Variants in BCL7C observed in about 807,000 individuals in gnomAD.
BCL7C encodes B-cell CLL/lymphoma 7 protein family member C.
Under a neutral mutation model 26.2 loss-of-function variants are expected in BCL7C, and 8 were observed. The ratio of observed to expected loss-of-function variants is 0.30; its 90% CI spans 0.18 to 0.55. The LOEUF (loss-of-function observed/expected upper bound fraction) is 0.55, where lower values mean the gene tolerates loss of function less well. BCL7C is among the 20% of genes least tolerant of loss of function. The pLI is 0.93. For synonymous variants in BCL7C, 90 were observed against 116.5 expected (o/e 0.77, Z 1.47); for missense variants, 262 against 298.5 (o/e 0.88, Z 0.90).
At chr16:30,868,702 T>C (rs1384798209) in intron 5 of BCL7C, among the ~76,000 whole-genome samples, 2 of 151,808 alleles carry the variant, frequency 1.3e-5, no homozygotes, top group Non-Finnish European at 2.9e-5. Flanking sequence ...GGAGAATCTC[T>C]TGATCCTGGG....
At chr16:30,882,937 A>G (rs927856368), downstream of BCL7C, among the ~76,000 whole-genome samples, 1 of 152,082 alleles carries the variant, frequency 6.6e-6, no homozygotes, top group African/African-American at 2.4e-5. Flanking sequence ...GGCTCCTGGG[A>G]TGGTAGGAAT....
At chr16:30,885,947 G>A (rs1298197673), downstream of BCL7C, among the ~76,000 whole-genome samples, 2 of 151,920 alleles carry the variant, frequency 1.3e-5, no homozygotes, top group African/African-American at 2.4e-5. Context: ...AACTTCCCGG[G>A]CTCAAGCAAT....
chr16:30,869,034 C>T (rs575905440), intron 5 of BCL7C, among the ~76,000 whole-genome samples: 20 of 151,876 alleles, frequency 1.3e-4, no homozygotes, highest in South Asian at 6.2e-4. Context: ...TGTGAGCCAC[C>T]GCACCCAGCC....
intron 5 of BCL7C, among the ~76,000 whole-genome samples, chr16:30,874,957 G>A (rs2054923746): frequency 6.6e-6 from 1 of 152,198 alleles, no homozygotes; most frequent in Admixed American, 6.6e-5. Flanking sequence ...ACCGGGAATG[G>A]CTCCGGCCAC....
At chr16:30,872,115 C>A (rs2054887357) in intron 5 of BCL7C, among the ~76,000 whole-genome samples, 1 of 152,042 alleles carries the variant, frequency 6.6e-6, no homozygotes, top group South Asian at 2.1e-4. Context: ...AGTTAAAGCC[C>A]ACAGGGAAAG....
chr16:30,879,664 AAC>A (rs1303409715), intron 5 of BCL7C, among the ~76,000 whole-genome samples: 2 of 114,090 alleles, frequency 1.8e-5, no homozygotes, highest in Non-Finnish European at 3.5e-5. Flanking sequence ...CAGCCTAGGC[AAC>A]ACAGAGAGAC....
At chr16:30,885,325 A>G (rs1184116024), downstream of BCL7C, among the ~76,000 whole-genome samples, 1 of 152,116 alleles carries the variant, frequency 6.6e-6, no homozygotes, top group Non-Finnish European at 1.5e-5. Context: ...CTCTGGAGGG[A>G]ACTACTGCTG....
intron 5 of BCL7C, among the ~76,000 whole-genome samples, chr16:30,871,939 T>G (rs778794505): frequency 1.3e-5 from 2 of 152,120 alleles, no homozygotes; most frequent in Non-Finnish European, 2.9e-5. Context: ...TGCACAGCTG[T>G]GAGAGAGGTG....
chr16:30,842,255 A>G (rs1482267508), intron 5 of BCL7C, among the ~76,000 whole-genome samples: 1 of 152,184 alleles, frequency 6.6e-6, no homozygotes, highest in Non-Finnish European at 1.5e-5. Flanking sequence ...ACAATGAGAG[A>G]GGCCTCAGAA....
In BCL7C at chr16:30,892,829, T is replaced by C; in HGVS notation, c.280+11A>G. On this transcript the variant is annotated intron_variant, in intron 3 of 5. Transcript: ENST00000215115. Reference sequence around the variant, plus strand: ...CCCCACAGCCCCCCGCGTTTCAGGATCCCTACCTACCATTAAGATCCAGCA... The same window carrying C: ...CCCCACAGCCCCCCGCGTTTCAGGACCCCTACCTACCATTAAGATCCAGCA... 1 of 1,613,578 alleles carries C rather than the reference T, an allele frequency of 6.2e-7. No individual in the cohort carries two copies. Among genetic ancestry groups the C allele is most frequent in the African/African-American group, 1.3e-5 (1 of 75,010 alleles).
chr16:30,849,760 CTTT>C (rs57218612), intron 5 of BCL7C, among the ~76,000 whole-genome samples: 49 of 141,394 alleles, frequency 3.5e-4, no homozygotes, highest in Admixed American at 4.2e-4. Context: ...CTCCTTTTTT[CTTT>C]TTTTTTTTTT....
intron 5 of BCL7C, 94 bp from the exon 6 acceptor site, chr16:30,888,084 C>A (rs559223515): frequency 3.7e-6 from 5 of 1,366,312 alleles, no homozygotes; most frequent in African/African-American, 3.1e-5. Flanking sequence ...CTCCCCTCCC[C>A]TCCTGGGCCC....
In BCL7C at chr16:30,869,294, G is replaced by A. The variant is rs2054861261; in HGVS notation, c.528+19566C>T. On this transcript the variant is annotated intron_variant, in intron 5 of 5. Coordinates refer to the BCL7C transcript ENST00000380317. ...CACGATCATGGCTCACTGCAGCCTCGACCTCCCAGGTTCCAGCAATCCTCC... is the reference window on the plus strand; with the variant it reads ...CACGATCATGGCTCACTGCAGCCTCAACCTCCCAGGTTCCAGCAATCCTCC... Among the ~76,000 whole-genome samples the A allele has an allele frequency of 4.0e-5, 6 of 151,084 alleles. No individual in the cohort carries two copies. The South Asian group carries it at 1.0e-3, about 26-fold the overall frequency.
intron 5 of BCL7C, among the ~76,000 whole-genome samples, chr16:30,870,537 C>T (rs779986562): frequency 2.0e-5 from 3 of 151,684 alleles, no homozygotes; most frequent in Non-Finnish European, 2.9e-5. Context: ...GGGCTGGGTG[C>T]GGTGGCTCAC....
chr16:30,892,764 C>G lies in BCL7C; in HGVS notation c.281-17G>C, dbSNP rs1567326223. On this transcript the variant is annotated splice_polypyrimidine_tract_variant and intron_variant, in intron 3 of 5. Coordinates refer to ENST00000215115, the MANE Select transcript of BCL7C (RefSeq NM_004765.4). ...TGTTCTCATCTGCGGGAGCAAGAGC[C>G]GAGATGGTTGGCCTGAGATCCCTAG... 2 of 1,614,138 alleles carry G rather than the reference C, an allele frequency of 1.2e-6. No individual in the cohort carries two copies. The highest frequency in any genetic ancestry group is 8.5e-7 in the Non-Finnish European group (1 of 1,180,018).
chr16:30,863,692 T>C (rs1048809914), intron 5 of BCL7C, among the ~76,000 whole-genome samples: 3 of 152,106 alleles, frequency 2.0e-5, no homozygotes, highest in Non-Finnish European at 4.4e-5. Context: ...CACCTATCAA[T>C]CTCTTCCCAC....
chr16:30,877,796 C>T (rs373062694), intron 5 of BCL7C, among the ~76,000 whole-genome samples: 1 of 152,102 alleles, frequency 6.6e-6, no homozygotes, highest in African/African-American at 2.4e-5. Context: ...TGTTCAACAC[C>T]ATGTAAGCCA....
At chr16:30,891,970 G>C (rs186822603) in intron 4 of BCL7C, among the ~76,000 whole-genome samples, 36 of 149,598 alleles carry the variant, frequency 2.4e-4, no homozygotes, top group Non-Finnish European at 4.1e-4. Context: ...TAAAAAAAAG[G>C]GGGGGGAGGG....
intron 5 of BCL7C, chr16:30,875,512 G>A (rs919932249): frequency 1.5e-4 from 23 of 152,264 alleles, no homozygotes; most frequent in African/African-American, 4.8e-4. Flanking sequence ...GGGCCTCTGG[G>A]TGCCGAGCTG....
Sources: allele counts gnomAD v4.1 joint callset (sites outside exome capture counted in the v4.1 genomes callset), GRCh38; gene constraint gnomAD v4.1.1; transcripts MANE v1.5; gene names NCBI Gene and HGNC (gene_info 2026-07-23, HGNC 2026-07-21).